RBM47: variants seen among roughly 807,000 people sequenced by gnomAD.
The protein encoded by RBM47 is RNA binding motif protein 47, also known as RNA-binding protein 47.
In RBM47, 21 loss-of-function variants were observed where a neutral mutation model predicts 47.1. The observed-to-expected ratio is 0.45, with a 90% confidence interval of 0.32 to 0.64. RBM47 has a LOEUF of 0.64. RBM47 is among the 30% of genes least tolerant of loss of function. The pLI, the probability that RBM47 is intolerant of heterozygous loss-of-function variation, is 0.05. For missense variants in RBM47, 708 were observed against 870.9 expected, an observed-to-expected ratio of 0.81 and a Z score of 2.35; for synonymous variants, 375 against 361.7, an observed-to-expected ratio of 1.04 and a Z score of -0.42.
At chr4:40,484,843 G>T (rs1008692203) in intron 2 of RBM47, among the ~76,000 whole-genome samples, 5 of 152,010 alleles carry the variant, frequency 3.3e-5, no homozygotes, top group African/African-American at 9.7e-5. Flanking sequence ...CACCACTTCA[G>T]CATTTCTTCT....
At chr4:40,550,153 C>G (rs2154263926) in intron 1 of RBM47, among the ~76,000 whole-genome samples, 1 of 152,308 alleles carries the variant, frequency 6.6e-6, no homozygotes, top group Admixed American at 6.5e-5. Context: ...CCTTGCATCT[C>G]TCCCGAATTC....
intron 1 of RBM47, among the ~76,000 whole-genome samples, chr4:40,597,289 A>G (rs1338293815): frequency 6.7e-6 from 1 of 150,336 alleles, no homozygotes; most frequent in Non-Finnish European, 1.5e-5. Context: ...GTTTATCAAA[A>G]TACTTCAATA....
chr4:40,563,182 C>T (rs1459496544), intron 1 of RBM47, among the ~76,000 whole-genome samples: 1 of 152,202 alleles, frequency 6.6e-6, no homozygotes, highest in African/African-American at 2.4e-5. Flanking sequence ...CAGAGCAAGA[C>T]TCCATCTCAA....
At chr4:40,429,042 C>T (rs1715484301) in intron 6 of RBM47, among the ~76,000 whole-genome samples, 1 of 152,184 alleles carries the variant, frequency 6.6e-6, no homozygotes, top group Non-Finnish European at 1.5e-5. Context: ...TTCTGAGTAG[C>T]TCCATGAAAT....
At chr4:40,521,774 C>G (rs138863285) in intron 2 of RBM47, among the ~76,000 whole-genome samples, 53 of 152,264 alleles carry the variant, frequency 3.5e-4, no homozygotes, top group African/African-American at 1.2e-3. Context: ...TGATCAAATT[C>G]AAGCTTTCAA....
chr4:40,426,584 G>A (rs1715081313), intron 6 of RBM47, among the ~76,000 whole-genome samples: 1 of 151,962 alleles, frequency 6.6e-6, no homozygotes, highest in Non-Finnish European at 1.5e-5. Context: ...ATGTTGCCCA[G>A]GGCTGGTCTT....
At chr4:40,541,256 A>T (rs1728509457) in intron 2 of RBM47, among the ~76,000 whole-genome samples, 1 of 134,270 alleles carries the variant, frequency 7.4e-6, no homozygotes, top group African/African-American at 3.4e-5. Flanking sequence ...ACCGAGCAAG[A>T]TTCTCTCAAA....
At chr4:40,615,031 C>T (rs1736595806) in intron 1 of RBM47, among the ~76,000 whole-genome samples, 1 of 151,964 alleles carries the variant, frequency 6.6e-6, no homozygotes, top group Non-Finnish European at 1.5e-5. Flanking sequence ...GAGGCTGAGG[C>T]AGAAGGATCG....
chr4:40,534,138 A>AT (rs1164006301), intron 2 of RBM47, among the ~76,000 whole-genome samples: 115 of 145,768 alleles, frequency 7.9e-4, no homozygotes, highest in Middle Eastern at 3.7e-3. Context: ...TTTTTAATTT[A>AT]TTTTTTTTTT....
intron 1 of RBM47, among the ~76,000 whole-genome samples, chr4:40,589,323 T>A (rs574601338): frequency 6.6e-6 from 1 of 152,338 alleles, no homozygotes; most frequent in South Asian, 2.1e-4. Flanking sequence ...GTAAAATGAT[T>A]GTTGAAATGT....
rs578085860 is a variant in RBM47 at position 40,574,980 on chromosome 4, C to A, written c.-239-30474G>T. Among the ~76,000 whole-genome samples, 12 of 152,268 alleles carry A rather than the reference C, an allele frequency of 7.9e-5. No individual in the cohort carries two copies. The South Asian group carries it at 2.5e-3, about 32-fold the overall frequency. On this transcript the variant is annotated intron_variant, in intron 1 of 6. Coordinates refer to ENST00000295971, the MANE Select transcript of RBM47 (RefSeq NM_001098634.2). ...CCTAAAACATGGGAGCTGCCATAGA[C>A]CCCTCAAGGCAATAGTTTTCAATTG...
intron 3 of RBM47, among the ~76,000 whole-genome samples, chr4:40,456,908 T>C (rs891474568): frequency 6.6e-6 from 1 of 151,982 alleles, no homozygotes; most frequent in Non-Finnish European, 1.5e-5. Flanking sequence ...CAGCCTCATT[T>C]TCTTGATGGA....
chr4:40,473,253 T>C (rs190843395), intron 2 of RBM47, among the ~76,000 whole-genome samples: 88 of 152,338 alleles, frequency 5.8e-4, no homozygotes, highest in Admixed American at 1.8e-3. Context: ...CTACTCATTC[T>C]GGAGATGCCA....
intron 1 of RBM47, among the ~76,000 whole-genome samples, chr4:40,611,095 G>T (rs2154279328): frequency 6.6e-6 from 1 of 152,216 alleles, no homozygotes; most frequent in South Asian, 2.1e-4. Flanking sequence ...CCCCTGCTGT[G>T]CCTCCTCAGG....
chr4:40,450,443 A>T (rs278954), intron 3 of RBM47, among the ~76,000 whole-genome samples: 10,293 of 151,834 alleles, frequency 0.068, 881 homozygotes, highest in African/African-American at 0.2. Context: ...AAAAAAAAAA[A>T]ATATAAAACT....
chr4:40,487,937 G>A (rs930237235), intron 2 of RBM47, among the ~76,000 whole-genome samples: 1 of 123,254 alleles, frequency 8.1e-6, no homozygotes, highest in African/African-American at 3.3e-5. Flanking sequence ...GGCCAGAGGA[G>A]GGAAAAAAAC....
chr4:40,447,245 A>G (rs566304617), intron 3 of RBM47, among the ~76,000 whole-genome samples: 2 of 152,372 alleles, frequency 1.3e-5, no homozygotes, highest in East Asian at 3.9e-4. Context: ...TTTGAAATAA[A>G]TCATTTACTC....
At chr4:40,618,411 C>G (rs1489217364) in intron 1 of RBM47, among the ~76,000 whole-genome samples, 1 of 151,926 alleles carries the variant, frequency 6.6e-6, no homozygotes, top group African/African-American at 2.4e-5. Context: ...GACAGAGTGG[C>G]ACCTTGTCTC....
At chr4:40,489,654 G>A (rs1721588150) in intron 2 of RBM47, among the ~76,000 whole-genome samples, 1 of 152,196 alleles carries the variant, frequency 6.6e-6, no homozygotes, top group Admixed American at 6.5e-5. Context: ...AGACTTATAA[G>A]TAAATACACT....
Sources: gnomAD v4.1 joint callset for allele counts (sites outside exome capture counted in the v4.1 genomes callset) on GRCh38, gnomAD v4.1.1 for gene constraint, MANE v1.5 for transcripts, NCBI Gene and HGNC (gene_info 2026-07-23, HGNC 2026-07-21) for gene names.